PKHD1L1: variants seen among roughly 807,000 people sequenced by gnomAD.
PKHD1L1 encodes the protein PKHD1 like 1, also known as fibrocystin-L.
Under a neutral mutation model 462.9 loss-of-function variants are expected in PKHD1L1, and 434 were observed. The observed-to-expected ratio is 0.94, with a 90% CI of 0.87 to 1.02. The LOEUF is 1.02. Among genes scored for constraint, PKHD1L1 ranks in the 50% least tolerant of loss-of-function variants. The pLI, the probability that PKHD1L1 is intolerant of heterozygous loss-of-function variation, is 0.00. For synonymous variants in PKHD1L1, 1,781 were observed against 1,750.0 expected, an observed-to-expected ratio of 1.02 and a Z score of -0.44; for missense variants, 5,202 against 5,096.1, an observed-to-expected ratio of 1.02 and a Z score of -0.63.
At chr8:109,439,216 C>T in intron 32 of PKHD1L1, 124 bp downstream of exon 32, 1 of 874,040 alleles carries the variant, frequency 1.1e-6, no homozygotes. Context: ...CCTATATCTT[C>T]TTTGGCAAAA....
intron 58 of PKHD1L1, among the ~76,000 whole-genome samples, chr8:109,485,860 C>T (rs902922695): frequency 1.3e-5 from 2 of 151,864 alleles, no homozygotes; most frequent in Non-Finnish European, 2.9e-5. Flanking sequence ...TTAATAGAAG[C>T]GCATGTGTCT....
chr8:109,397,421 A>G (rs572519164), intron 11 of PKHD1L1, among the ~76,000 whole-genome samples: 3 of 152,268 alleles, frequency 2.0e-5, no homozygotes, highest in African/African-American at 7.2e-5. Context: ...CATGCCTGTA[A>G]TCCCAGCAGT....
At chr8:109,462,540 T>C (rs1242988226) in intron 48 of PKHD1L1, among the ~76,000 whole-genome samples, 1 of 151,970 alleles carries the variant, frequency 6.6e-6, no homozygotes, top group Non-Finnish European at 1.5e-5. Flanking sequence ...CTTTTCATTA[T>C]TTATTTATTT....
intron 8 of PKHD1L1, among the ~76,000 whole-genome samples, chr8:109,389,787 C>T (rs1812626120): frequency 5.9e-5 from 9 of 152,094 alleles, no homozygotes; most frequent in Admixed American, 5.9e-4. Context: ...CTCAGCCTCC[C>T]AAAGTGCTGG....
At position 109,498,572 on chromosome 8, in the gene PKHD1L1, A is replaced by G; in HGVS notation, c.10710A>G (p.Ser3570=). 4 of 1,611,744 alleles carry G rather than the reference A, an allele frequency of 2.5e-6. No homozygotes were observed. Among genetic ancestry groups the G allele is most frequent in the Non-Finnish European group, 3.4e-6 (4 of 1,177,836 alleles). The change falls in exon 66 of 78, where the codon TCA becomes TCG. Residue 3570 remains serine, a splice_region_variant and synonymous_variant. Transcript: ENST00000378402. ...TAAHRSPRSP[S]GGRSGICWPT... ...CTCATCGGAGTCCTAGATCTCCATC[A>G]GGTGAAAAATTTGAAACTTTAATGT...
chr8:109,473,240 G>A (rs141998117), intron 50 of PKHD1L1, among the ~76,000 whole-genome samples: 23 of 152,236 alleles, frequency 1.5e-4, no homozygotes, highest in East Asian at 5.8e-4. Flanking sequence ...GGCTGGGTGC[G>A]GTGGCTCATG....
chr8:109,460,707 GCTCTATTTACAAACAAGCCC>G (rs1367704614), intron 47 of PKHD1L1, among the ~76,000 whole-genome samples: 1 of 152,152 alleles, frequency 6.6e-6, no homozygotes, highest in Non-Finnish European at 1.5e-5. Flanking sequence ...ACTAGGTTAT[GCTCTATTTACAAACAAGCCC>G]AAAATGTCAG....
At chr8:109,487,152 A>G (rs1423642488) in intron 59 of PKHD1L1, among the ~76,000 whole-genome samples, 2 of 152,002 alleles carry the variant, frequency 1.3e-5, no homozygotes, top group Non-Finnish European at 2.9e-5. Flanking sequence ...TTTCAAGCAT[A>G]CACCAAAAAC....
chr8:109,495,610 T>C (rs1284454557), intron 63 of PKHD1L1, among the ~76,000 whole-genome samples: 1 of 152,174 alleles, frequency 6.6e-6, no homozygotes, highest in Non-Finnish European at 1.5e-5. Flanking sequence ...CATGCATCTA[T>C]ATTGTGTGAT....
At chr8:109,422,135 A>AT (rs1462800269) in intron 23 of PKHD1L1, among the ~76,000 whole-genome samples, 5 of 152,084 alleles carry the variant, frequency 3.3e-5, no homozygotes, top group African/African-American at 4.8e-5. Flanking sequence ...CCCAATGATA[A>AT]TTTTTTTGTA....
intron 71 of PKHD1L1, among the ~76,000 whole-genome samples, chr8:109,511,912 T>C (rs1820008360): frequency 2.0e-5 from 3 of 152,206 alleles, no homozygotes; most frequent in South Asian, 4.1e-4. Flanking sequence ...TGGTATCTCA[T>C]TGTGGTTTGA....
At position 109,536,726 on chromosome 8, in the gene PKHD1L1, G is replaced by A. The variant is rs1821152435; in HGVS notation, c.*6636G>A. The stretch of plus-strand genomic sequence containing the variant: ...GATTTCTAACCAGGCCCCTTCTGAA[G>A]AAAACTGGTTAACTCTAAATTGTTA... On this transcript the variant is annotated 3_prime_UTR_variant, in exon 78 of 78. Coordinates refer to ENST00000378402, the MANE Select transcript of PKHD1L1 (RefSeq NM_177531.6). 6.6e-6 allele frequency among the ~76,000 whole-genome samples: 1 copy of A among 152,086 alleles called. No homozygotes were observed. The highest frequency in any genetic ancestry group is 2.1e-4 in the South Asian group (1 of 4,832).
chr8:109,399,729 A>G (rs1002653547), intron 12 of PKHD1L1, among the ~76,000 whole-genome samples: 25 of 152,282 alleles, frequency 1.6e-4, no homozygotes, highest in African/African-American at 5.3e-4. Context: ...AACATCAGTT[A>G]TATCATAATA....
rs770550699 is a variant in PKHD1L1 at position 109,385,539 on chromosome 8, A to G, written c.478A>G (p.Thr160Ala). Reference sequence around the variant, plus strand: ...TTGGGGTTTTTGTTTGTTTTCAGGTACACTAATAACAATCCAAGGCAGAAT... The same window carrying G: ...TTGGGGTTTTTGTTTGTTTTCAGGTGCACTAATAACAATCCAAGGCAGAAT... ...SITPLSGTPG[T>A]LITIQGRIFT... Residue 160 changes from threonine (T) to alanine (A), a missense_variant and splice_region_variant, in exon 6 of 78, where the codon ACA becomes GCA. Thr to Ala is a moderately conservative substitution (Grantham distance 58). Transcript: ENST00000378402. 10 of 1,581,098 alleles carry G rather than the reference A, an allele frequency of 6.3e-6. No homozygotes were observed. The highest frequency in any genetic ancestry group is 2.7e-5 in the African/African-American group (2 of 73,556).
chr8:109,430,081 C>T (rs1349984512), intron 27 of PKHD1L1, 44 bp downstream of exon 27: 1 of 1,257,454 alleles, frequency 8.0e-7, no homozygotes, highest in Admixed American at 2.3e-5. Context: ...GAAAGATAAT[C>T]AGCAAAATGT....
chr8:109,468,037 AT>A (rs1249620525), intron 50 of PKHD1L1, among the ~76,000 whole-genome samples: 4 of 152,162 alleles, frequency 2.6e-5, no homozygotes, highest in African/African-American at 7.2e-5. Context: ...ATATTGTTGA[AT>A]TTCCCCCATT....
Position 109,508,280 on chromosome 8 carries a change from G to A in PKHD1L1, c.11395+16G>A. 1 of 1,582,844 alleles carries A rather than the reference G, an allele frequency of 6.3e-7. No individual in the cohort carries two copies. Among genetic ancestry groups the A allele is most frequent in the Non-Finnish European group, 8.6e-7 (1 of 1,165,438 alleles). ...CTTATTAATGGTAGGTATTCAATAT[G>A]AGTAAACTACAATTACTCAAAACAT... On this transcript the variant is annotated intron_variant, in intron 70 of 77. Transcript: ENST00000378402.
chr8:109,501,475 T>C (rs1343046522), intron 67 of PKHD1L1, among the ~76,000 whole-genome samples: 1 of 152,226 alleles, frequency 6.6e-6, no homozygotes, highest in African/African-American at 2.4e-5. Flanking sequence ...CTACTCAGCA[T>C]GAATTGTTAC....
At chr8:109,494,240 T>C (rs575122190) in intron 63 of PKHD1L1, among the ~76,000 whole-genome samples, 43 of 152,124 alleles carry the variant, frequency 2.8e-4, no homozygotes, top group Admixed American at 1.4e-3. Context: ...ACTGAGCATC[T>C]ACTCTTTTGG....
Sources: gnomAD v4.1 joint callset for allele counts (sites outside exome capture counted in the v4.1 genomes callset) on GRCh38, gnomAD v4.1.1 for gene constraint, MANE v1.5 for transcripts, NCBI Gene and HGNC (gene_info 2026-07-23, HGNC 2026-07-21) for gene names.